CD96: variants seen among roughly 807,000 people sequenced by gnomAD.
CD96 encodes the protein CD96 molecule.
In CD96, 70 loss-of-function variants were observed where a neutral mutation model predicts 71.3. The ratio of observed to expected loss-of-function variants is 0.98; its 90% CI spans 0.81 to 1.20. The LOEUF (loss-of-function observed/expected upper bound fraction) is 1.20, where lower values mean the gene tolerates loss of function less well. CD96 is among the 50% of genes most tolerant of loss of function. The pLI is 0.00. For missense variants in CD96, 742 were observed against 677.5 expected (o/e 1.10, Z -1.06); for synonymous variants, 248 against 233.0 (o/e 1.06, Z -0.59).
chr3:111,611,614 A>G (rs1486713603), intron 8 of CD96, among the ~76,000 whole-genome samples: 1 of 152,104 alleles, frequency 6.6e-6, no homozygotes, highest in Admixed American at 6.6e-5. Context: ...CTTTATCAAC[A>G]TGTATCTGCT....
intron 2 of CD96, among the ~76,000 whole-genome samples, chr3:111,547,516 C>A (rs1170296690): frequency 6.6e-6 from 1 of 152,020 alleles, no homozygotes; most frequent in Non-Finnish European, 1.5e-5. Flanking sequence ...GACTGATGTA[C>A]CTTATAGGAA....
downstream of CD96, among the ~76,000 whole-genome samples, chr3:111,656,849 G>A (rs936105458): frequency 1.3e-5 from 2 of 151,970 alleles, no homozygotes; most frequent in African/African-American, 4.8e-5. Flanking sequence ...AAAGGAACAG[G>A]AGAGATAAAT....
intron 10 of CD96, among the ~76,000 whole-genome samples, chr3:111,626,227 G>A (rs1221124869): frequency 2.7e-5 from 4 of 150,238 alleles, no homozygotes; most frequent in Non-Finnish European, 5.9e-5. Context: ...TGTGAACCCG[G>A]GAGGCGGAGC....
chr3:111,581,591 C>G (rs919780441), intron 4 of CD96, among the ~76,000 whole-genome samples: 1 of 152,226 alleles, frequency 6.6e-6, no homozygotes, highest in Admixed American at 6.5e-5. Flanking sequence ...CTTCACTGGT[C>G]TCCTTTGGTT....
intron 8 of CD96, among the ~76,000 whole-genome samples, chr3:111,608,707 G>T (rs1345973780): frequency 2.0e-5 from 3 of 152,142 alleles, no homozygotes; most frequent in Admixed American, 6.5e-5. Flanking sequence ...AACCGTATTT[G>T]TTTTTCCTCC....
At chr3:111,610,814 G>C (rs1209546130) in intron 8 of CD96, among the ~76,000 whole-genome samples, 1 of 152,330 alleles carries the variant, frequency 6.6e-6, no homozygotes, top group East Asian at 1.9e-4. Flanking sequence ...CTTGAGGAGA[G>C]AGCCCTGTGC....
At chr3:111,627,414 A>T (rs1340448102) in intron 10 of CD96, among the ~76,000 whole-genome samples, 1 of 152,154 alleles carries the variant, frequency 6.6e-6, no homozygotes, top group Non-Finnish European at 1.5e-5. Flanking sequence ...CTTTAAACAG[A>T]CCCAGATCCA....
chr3:111,605,509 T>C (rs1937597910), intron 7 of CD96, among the ~76,000 whole-genome samples: 1 of 152,226 alleles, frequency 6.6e-6, no homozygotes, highest in Admixed American at 6.5e-5. Context: ...TGTGTCATGC[T>C]GAAGAGTTCA....
downstream of CD96, among the ~76,000 whole-genome samples, chr3:111,656,546 A>G (rs1164157855): frequency 1.3e-5 from 2 of 152,258 alleles, no homozygotes; most frequent in African/African-American, 4.8e-5. Context: ...ATCAGAATAT[A>G]TATGCACAAG....
chr3:111,578,463 G>T (rs1195018001), intron 3 of CD96, among the ~76,000 whole-genome samples: 1 of 152,230 alleles, frequency 6.6e-6, no homozygotes, highest in Admixed American at 6.5e-5. Context: ...GCAAGGAGCT[G>T]CCCCAGGGCA....
intron 2 of CD96, among the ~76,000 whole-genome samples, chr3:111,555,432 A>G: frequency 6.6e-6 from 1 of 152,418 alleles, no homozygotes. Context: ...GAATTCTTTC[A>G]GATTTTTTCA....
At chr3:111,641,530 A>G (rs1160574448) in intron 12 of CD96, among the ~76,000 whole-genome samples, 4 of 152,252 alleles carry the variant, frequency 2.6e-5, no homozygotes, top group African/African-American at 9.6e-5. Context: ...AATGAGATAG[A>G]CAGCAACAAA....
intron 3 of CD96, chr3:111,571,134 C>A: frequency 1.5e-6 from 1 of 677,400 alleles, no homozygotes; most frequent in South Asian, 1.8e-5. Flanking sequence ...ACATGCTGTT[C>A]CCTCTACCTG....
intron 8 of CD96, chr3:111,612,948 A>G (rs1191622295): frequency 9.3e-6 from 2 of 215,788 alleles, no homozygotes; most frequent in East Asian, 3.7e-4. Flanking sequence ...ATTATCATAT[A>G]ATTCTCACTG....
chr3:111,665,155 T>C (rs1940451530), intron 14 of CD96, among the ~76,000 whole-genome samples: 1 of 151,790 alleles, frequency 6.6e-6, no homozygotes, highest in East Asian at 1.9e-4. Flanking sequence ...GACAGATGAA[T>C]CTAGGTAGAT....
chr3:111,551,173 A>G (rs56257750), intron 2 of CD96, among the ~76,000 whole-genome samples: 18,042 of 152,032 alleles, frequency 0.12, 1,149 homozygotes, highest in Non-Finnish European at 0.13. Flanking sequence ...GGAAGAAGAG[A>G]TGTTTGTAGG....
chr3:111,662,875 C>T (rs1284066594), intron 14 of CD96, among the ~76,000 whole-genome samples: 1 of 152,222 alleles, frequency 6.6e-6, no homozygotes, highest in Non-Finnish European at 1.5e-5. Context: ...TGCTCCTTAC[C>T]CAGTTCCAAT....
intron 12 of CD96, among the ~76,000 whole-genome samples, chr3:111,647,304 T>C (rs1939876325): frequency 6.6e-6 from 1 of 152,096 alleles, no homozygotes; most frequent in Non-Finnish European, 1.5e-5. Context: ...AAAGGGTATA[T>C]ATTCATGGTA....
downstream of CD96, among the ~76,000 whole-genome samples, chr3:111,655,024 G>A (rs1940195632): frequency 1.3e-5 from 2 of 152,158 alleles, no homozygotes; most frequent in African/African-American, 2.4e-5. Context: ...AGGCTGAATG[G>A]GAAGATGATC....
Sources: gnomAD v4.1 joint callset for allele counts (sites outside exome capture counted in the v4.1 genomes callset) on GRCh38, gnomAD v4.1.1 for gene constraint, MANE v1.5 for transcripts, NCBI Gene and HGNC (gene_info 2026-07-23, HGNC 2026-07-21) for gene names.